WDR83: variants seen among roughly 807,000 people sequenced by gnomAD.
The protein encoded by WDR83 is WD repeat domain 83, also known as WD repeat domain-containing protein 83.
In WDR83, 37 loss-of-function variants were observed where a neutral mutation model predicts 37.7. That is an observed-to-expected ratio of 0.98 (90% CI 0.76 to 1.29). WDR83 has a LOEUF of 1.29. Ranked by LOEUF, WDR83 falls within the 50% of genes most tolerant of loss-of-function variation. The pLI, the probability that WDR83 is intolerant of heterozygous loss-of-function variation, is 0.00. For missense variants in WDR83, 445 were observed against 414.4 expected (o/e 1.07, Z -0.64); for synonymous variants, 174 against 181.1 (o/e 0.96, Z 0.31).
At chr19:12,674,260 T>G (rs1180844841) in intron 10 of WDR83, among the ~76,000 whole-genome samples, 1 of 152,182 alleles carries the variant, frequency 6.6e-6, no homozygotes, top group Non-Finnish European at 1.5e-5. Context: ...GAGCTACATC[T>G]TAGCATCCCT....
In WDR83 at chr19:12,673,341, A is replaced by G. The variant is rs767511280; in HGVS notation, c.798+25A>G. On this transcript the variant is annotated intron_variant, in intron 10 of 10. Transcript: ENST00000418543. ...GGTGAGGTGCCCCCAGCCCTACTTC[A>G]TACCTAGATGCCTGCCCCATCTCAG... The G allele has an allele frequency of 4.4e-6, 7 of 1,579,428 alleles. No individual in the cohort carries two copies. The Admixed American group carries it at 1.2e-4, about 27-fold the overall frequency.
intron 5 of WDR83, 95 bp downstream of exon 5, chr19:12,670,380 C>A: frequency 6.6e-7 from 1 of 1,516,188 alleles, no homozygotes; most frequent in South Asian, 1.2e-5. Context: ...CGTAAGGATC[C>A]CTTCCCCAGA....
In WDR83 at chr19:12,672,850, C is replaced by T. The variant is rs375551940; in HGVS notation, c.510C>T (p.Ser170=). 789 of 1,581,440 alleles carry T rather than the reference C, an allele frequency of 5.0e-4. 10 individuals carry two copies. The South Asian group carries it at 8.4e-3, about 17-fold the overall frequency. ...KVSDHEILAG[S]VDGRVRRYDL... ...CTGGATCTACCCTCTCCTGCAGCTC[C>T]GTGGATGGCCGCGTGAGACGCTATG... The change falls in exon 8 of 11, where the codon TCC becomes TCT. Residue 170 remains serine, a synonymous_variant. Transcript: ENST00000418543.
Position 12,675,505 on chromosome 19 carries a change from C to T in WDR83, c.799-18C>T. On this transcript the variant is annotated intron_variant, in intron 10 of 10. Coordinates refer to ENST00000418543, the MANE Select transcript of WDR83 (RefSeq NM_001099737.3). ...CAGCCCAGCCACAGATAACCACTCC[C>T]TACCCCTCGCTCCACAGGGTGCGCT... The T allele has an allele frequency of 6.2e-7, 1 of 1,600,948 alleles. No individual in the cohort carries two copies. Among genetic ancestry groups the T allele is most frequent in the Non-Finnish European group, 8.5e-7 (1 of 1,179,564 alleles).
intron 2 of WDR83, chr19:12,669,383 C>G (rs745564455): frequency 6.2e-7 from 1 of 1,601,158 alleles, no homozygotes; most frequent in Non-Finnish European, 8.5e-7. Flanking sequence ...TCCGTGGGTC[C>G]GACATATTGT....
Position 12,668,586 on chromosome 19 carries a change from C to G in WDR83, c.-78C>G. On this transcript the variant is annotated 5_prime_UTR_variant, in exon 2 of 11. Coordinates refer to ENST00000418543, the MANE Select transcript of WDR83 (RefSeq NM_001099737.3). ...AGAGTTGGCAAAGCTGATGAAGGAGCAGTAGACAGCGACCCAAGCACACCA... is the reference window on the plus strand; with the variant it reads ...AGAGTTGGCAAAGCTGATGAAGGAGGAGTAGACAGCGACCCAAGCACACCA... 6.2e-7 allele frequency: 1 copy of G among 1,614,080 alleles called. No homozygotes were observed. Among genetic ancestry groups the G allele is most frequent in the Non-Finnish European group, 8.5e-7 (1 of 1,180,000 alleles).
In WDR83 at chr19:12,666,962, G is replaced by A. The variant is rs1463629831; in HGVS notation, c.-187G>A. The A allele has an allele frequency of 3.0e-5, 17 of 558,904 alleles. No homozygotes were observed. The highest frequency in any genetic ancestry group is 1.1e-4 in the South Asian group (5 of 44,436). 34.6% of individuals were successfully genotyped at this position (558,904 alleles called of 1,614,324 possible). On this transcript the variant is annotated 5_prime_UTR_variant, in exon 1 of 11. Coordinates refer to ENST00000418543, the MANE Select transcript of WDR83 (RefSeq NM_001099737.3). ...GAAGACGGAATGCCTCTTAATGCCG[G>A]AATTCCAAGACGGAATGCCTCTTAA...
At chr19:12,672,342 C>T (rs967716244) in intron 7 of WDR83, 2 of 181,610 alleles carry the variant, frequency 1.1e-5, no homozygotes, top group South Asian at 1.0e-4. Flanking sequence ...GGTGGGGTGG[C>T]TCACACCTGT....
At chr19:12,667,842 A>G (rs1227692627) in intron 1 of WDR83, among the ~76,000 whole-genome samples, 1 of 152,162 alleles carries the variant, frequency 6.6e-6, no homozygotes, top group Non-Finnish European at 1.5e-5. Context: ...GGAAAAAAAA[A>G]AAAGGAAACC....
intron 5 of WDR83, 43 bp downstream of exon 5, chr19:12,670,328 C>T (rs770645051): frequency 3.8e-5 from 61 of 1,595,672 alleles, no homozygotes; most frequent in Non-Finnish European, 4.9e-5. Flanking sequence ...GGAGGGGACC[C>T]GTATTAGCGC....
intron 10 of WDR83, among the ~76,000 whole-genome samples, chr19:12,674,912 G>A (rs1477548993): frequency 6.6e-6 from 1 of 151,402 alleles, no homozygotes; most frequent in Non-Finnish European, 1.5e-5. Context: ...TCAGGAGATA[G>A]AGATCATCCT....
chr19:12,669,754 G>T lies in WDR83; in HGVS notation c.-36-1G>T. 1 of 1,547,820 alleles carries T rather than the reference G, an allele frequency of 6.5e-7. No individual in the cohort carries two copies. Among genetic ancestry groups the T allele is most frequent in the South Asian group, 1.2e-5 (1 of 81,784 alleles). ...TCTAAGGCGCGGAATTTTCCGTACAGACCGATTTAAGGCTGCAAGGAAGGA... is the reference window on the plus strand; with the variant it reads ...TCTAAGGCGCGGAATTTTCCGTACATACCGATTTAAGGCTGCAAGGAAGGA... On this transcript the variant is annotated splice_acceptor_variant, in intron 2 of 10. Coordinates refer to ENST00000418543, the MANE Select transcript of WDR83 (RefSeq NM_001099737.3). LOFTEE classifies it low-confidence loss of function (5UTR_SPLICE).
chr19:12,673,453 T>C, intron 10 of WDR83, 137 bp downstream of exon 10: 4 of 644,414 alleles, frequency 6.2e-6, no homozygotes, highest in Non-Finnish European at 1.0e-5. Context: ...AGTCTTGCTC[T>C]GTCGCCCAGG....
intron 10 of WDR83, 76 bp from the exon 11 acceptor site, chr19:12,675,447 G>C (rs894025600): frequency 2.6e-6 from 4 of 1,549,512 alleles, no homozygotes; most frequent in Non-Finnish European, 2.6e-6. Flanking sequence ...GGACTGAGAT[G>C]GGGGGTGCCC....
rs1163320924 is a variant in WDR83, at chr19:12,675,749, G to A, written c.*77G>A. ...ACTTCAGATACCATCTTATTCTAGA[G>A]ACGTAGCTGACCAAAAAGTAGGGGA... On this transcript the variant is annotated 3_prime_UTR_variant, in exon 11 of 11. Coordinates refer to ENST00000418543, the MANE Select transcript of WDR83 (RefSeq NM_001099737.3). 16 of 1,568,430 alleles carry A rather than the reference G, an allele frequency of 1.0e-5. No homozygotes were observed. The highest frequency in any genetic ancestry group is 1.7e-4 in the Middle Eastern group (1 of 5,898).
chr19:12,674,326 G>T (rs992304681), intron 10 of WDR83, among the ~76,000 whole-genome samples: 7 of 152,212 alleles, frequency 4.6e-5, no homozygotes, highest in Admixed American at 2.6e-4. Flanking sequence ...CTGGTGGGGA[G>T]TCAGGCCAGA....
intron 5 of WDR83, 129 bp downstream of exon 5, chr19:12,670,414 CAGGCT>C: frequency 6.7e-7 from 1 of 1,494,176 alleles, no homozygotes; most frequent in Non-Finnish European, 9.2e-7. Context: ...CTCCGCATGC[CAGGCT>C]AGGCAGTCAC....
Position 12,672,910 on chromosome 19 carries a change from G to T in WDR83, c.570G>T (p.Val190=). The T allele has an allele frequency of 6.3e-7, 1 of 1,599,430 alleles. No homozygotes were observed. Among genetic ancestry groups the T allele is most frequent in the Non-Finnish European group, 8.5e-7 (1 of 1,172,976 alleles). The part of the protein sequence containing the change: ...LRMGQLFSDY[V]GSPITCTCFS... ...TGGGGCAGCTCTTCTCAGACTACGTGGGCAGTGAGTGTGGCTGGGGATGTG... is the reference window on the plus strand; with the variant it reads ...TGGGGCAGCTCTTCTCAGACTACGTTGGCAGTGAGTGTGGCTGGGGATGTG... The change falls in exon 8 of 11, where the codon GTG becomes GTT. Residue 190 remains valine, a synonymous_variant. Transcript: ENST00000418543.
chr19:12,668,029 G>A (rs76488355), intron 1 of WDR83: 3,701 of 279,220 alleles, frequency 0.013, 144 homozygotes, highest in African/African-American at 0.076. Context: ...AGCCCTTCCC[G>A]CCAGGTAGGA....
Sources: gnomAD v4.1 joint callset for allele counts (sites outside exome capture counted in the v4.1 genomes callset) on GRCh38, gnomAD v4.1.1 for gene constraint, MANE v1.5 for transcripts, NCBI Gene and HGNC (gene_info 2026-07-23, HGNC 2026-07-21) for gene names.